ZC3H12B: variants seen among roughly 807,000 people sequenced by gnomAD.
ZC3H12B encodes the protein probable ribonuclease ZC3H12B.
A neutral mutation model predicts 43.9 loss-of-function variants in ZC3H12B; 7 were observed. That is an observed-to-expected ratio of 0.16 (90% CI 0.09 to 0.30). The LOEUF is 0.30. Ranked by LOEUF, ZC3H12B falls within the 10% of genes least tolerant of loss-of-function variation. The pLI, the probability that ZC3H12B is intolerant of heterozygous loss-of-function variation, is 1.00. For missense variants in ZC3H12B, 475 were observed against 670.2 expected, an observed-to-expected ratio of 0.71 and a Z score of 3.22; for synonymous variants, 222 against 241.7, an observed-to-expected ratio of 0.92 and a Z score of 0.76.
chrX:65,145,068 A>G, the ZC3H12B span, among the ~76,000 whole-genome samples: 1 of 111,292 alleles, frequency 9.0e-6, no homozygotes, highest in Non-Finnish European at 1.9e-5. Context: ...TCAGTGGAGT[A>G]TTGATGTCCC....
chrX:65,087,858 G>A, the ZC3H12B span, among the ~76,000 whole-genome samples: 7 of 112,153 alleles, frequency 6.2e-5, no homozygotes, highest in African/African-American at 2.3e-4. Flanking sequence ...CATACCGTGA[G>A]TTGAAACACA....
chrX:65,340,154 T>A, the ZC3H12B span, among the ~76,000 whole-genome samples: 626 of 111,926 alleles, frequency 5.6e-3, 3 homozygotes, highest in Admixed American at 0.01. Context: ...CTTACCTCCA[T>A]GAATGCACAG....
At chrX:65,114,025 A>G in the ZC3H12B span, among the ~76,000 whole-genome samples, 2 of 80,114 alleles carry the variant, frequency 2.5e-5, no homozygotes, top group African/African-American at 4.4e-5. Flanking sequence ...ATATATATAT[A>G]TTCATCTTTA....
the ZC3H12B span, among the ~76,000 whole-genome samples, chrX:65,263,435 G>A: frequency 1.8e-5 from 2 of 110,466 alleles, no homozygotes; most frequent in African/African-American, 6.6e-5. Flanking sequence ...CCTAGGTAGA[G>A]CAAACAGCAT....
At chrX:65,131,200 A>G in the ZC3H12B span, among the ~76,000 whole-genome samples, 5 of 111,528 alleles carry the variant, frequency 4.5e-5, no homozygotes, top group African/African-American at 1.6e-4. Flanking sequence ...CCTCAATGAT[A>G]GATATGGAAG....
intron 2 of ZC3H12B, among the ~76,000 whole-genome samples, chrX:65,372,713 T>A (rs867776094): frequency 5.4e-5 from 6 of 111,759 alleles, no homozygotes; most frequent in Middle Eastern, 4.7e-3. Flanking sequence ...TATTGAGAGG[T>A]AAGGATTGTT....
the ZC3H12B span, among the ~76,000 whole-genome samples, chrX:65,310,766 C>T: frequency 3.6e-5 from 4 of 111,806 alleles, no homozygotes; most frequent in Non-Finnish European, 5.6e-5. Context: ...GCTACAGTAA[C>T]CAAAACAGCA....
intron 3 of ZC3H12B, among the ~76,000 whole-genome samples, chrX:65,439,948 A>G (rs984590984): frequency 9.1e-6 from 1 of 110,416 alleles, no homozygotes; most frequent in Non-Finnish European, 1.9e-5. Context: ...TGGTATCCAA[A>G]TCGGCTGTTG....
intron 3 of ZC3H12B, among the ~76,000 whole-genome samples, chrX:65,425,452 CTT>C (rs1487601071): frequency 9.0e-6 from 1 of 110,648 alleles, no homozygotes; most frequent in African/African-American, 3.3e-5. Flanking sequence ...TTTGAATACT[CTT>C]TATTTTTTTT....
the ZC3H12B span, among the ~76,000 whole-genome samples, chrX:65,346,421 A>G: frequency 8.9e-6 from 1 of 111,838 alleles, no homozygotes; most frequent in South Asian, 3.7e-4. Context: ...CTGGTTAGCA[A>G]TATGCAGAAG....
chrX:65,212,189 TATATA>T, the ZC3H12B span, among the ~76,000 whole-genome samples: 1 of 45,462 alleles, frequency 2.2e-5, no homozygotes, highest in Non-Finnish European at 3.6e-5. Flanking sequence ...TATTATATAT[TATATA>T]ATATAATTAT....
chrX:65,149,156 G>C, the ZC3H12B span, among the ~76,000 whole-genome samples: 1 of 111,224 alleles, frequency 9.0e-6, no homozygotes, highest in Admixed American at 9.6e-5. Flanking sequence ...AATCTCAGAA[G>C]CCTTAAGCTT....
chrX:65,212,530 C>A, the ZC3H12B span, among the ~76,000 whole-genome samples: 18 of 66,604 alleles, frequency 2.7e-4, no homozygotes, highest in Admixed American at 1.3e-3. Flanking sequence ...TATTATATTA[C>A]ATATAATGTA....
chrX:65,345,282 A>T, the ZC3H12B span, among the ~76,000 whole-genome samples: 4 of 112,161 alleles, frequency 3.6e-5, no homozygotes, highest in Non-Finnish European at 5.6e-5. Context: ...AATAACAAAG[A>T]CGTGGACTCA....
the ZC3H12B span, among the ~76,000 whole-genome samples, chrX:65,280,853 A>G: frequency 8.9e-6 from 1 of 112,005 alleles, no homozygotes. Context: ...TACATGGACA[A>G]CTATAAAACT....
chrX:65,223,303 TAAA>T, the ZC3H12B span, among the ~76,000 whole-genome samples: 1 of 100,412 alleles, frequency 1.0e-5, no homozygotes, highest in Non-Finnish European at 2.0e-5. Flanking sequence ...GACGCCGTCT[TAAA>T]AAAAAAAAAA....
intron 2 of ZC3H12B, among the ~76,000 whole-genome samples, chrX:65,373,578 C>T (rs1296466657): frequency 9.2e-6 from 1 of 108,383 alleles, no homozygotes; most frequent in East Asian, 2.9e-4. Flanking sequence ...AGGATGAGTT[C>T]ATGTCCTTTG....
the ZC3H12B span, among the ~76,000 whole-genome samples, chrX:65,172,439 C>T: frequency 1.8e-5 from 2 of 112,033 alleles, no homozygotes; most frequent in African/African-American, 6.5e-5. Flanking sequence ...TTAATTAGAT[C>T]CCATTTGTCA....
chrX:65,381,811 G>A (rs774617418), intron 2 of ZC3H12B, among the ~76,000 whole-genome samples: 1 of 111,925 alleles, frequency 8.9e-6, no homozygotes, highest in Admixed American at 9.4e-5. Flanking sequence ...CACCATCAGA[G>A]AATACTACAA....
Sources: gnomAD v4.1 joint callset for allele counts (sites outside exome capture counted in the v4.1 genomes callset) on GRCh38, gnomAD v4.1.1 for gene constraint, MANE v1.5 for transcripts, NCBI Gene and HGNC (gene_info 2026-07-23, HGNC 2026-07-21) for gene names.